Variants in CAMK2G observed in about 807,000 individuals in gnomAD.
CAMK2G encodes calcium/calmodulin dependent protein kinase II gamma.
Under a neutral mutation model 88.7 loss-of-function variants are expected in CAMK2G, and 23 were observed. The observed-to-expected ratio is 0.26, with a 90% CI of 0.19 to 0.37. The LOEUF (loss-of-function observed/expected upper bound fraction) is 0.37. Among genes scored for constraint, CAMK2G ranks in the 10% least tolerant of loss-of-function variants. The pLI is 1.00. For synonymous variants in CAMK2G, 263 were observed against 294.8 expected (o/e 0.89, Z 1.11); for missense variants, 476 against 780.8 (o/e 0.61, Z 4.65).
intron 21 of CAMK2G, chr10:73,816,316 G>A: frequency 1.0e-6 from 1 of 992,852 alleles, no homozygotes; most frequent in Non-Finnish European, 1.2e-6. Flanking sequence ...ACAGTGCCCT[G>A]GTTTGCACAT....
rs773058325 is a variant in CAMK2G, at chr10:73,815,022, A to G, written c.1760T>C (p.Leu587Pro). ...GTGCACCTGTGGCTGAGCTCACTGC[A>G]GCGGTGCGGCAGGGGCCCCTGAGCA... is the stretch of plus-strand genomic sequence containing the variant. ...YHCSGAPAAPLQ is the reference protein window; with the variant it reads ...YHCSGAPAAPPQ The change falls in exon 22 of 23, where the codon CTG becomes CCG. Residue 587 changes from leucine to proline, a missense_variant. Transcript: ENST00000423381. The G allele has an allele frequency of 6.2e-7, 1 of 1,611,222 alleles. No individual in the cohort carries two copies. Among genetic ancestry groups the G allele is most frequent in the African/African-American group, 1.3e-5 (1 of 74,824 alleles).
chr10:73,821,797 CA>C, intron 17 of CAMK2G, 67 bp from the exon 18 acceptor site: 1 of 1,315,660 alleles, frequency 7.6e-7, no homozygotes, highest in East Asian at 2.3e-5. Flanking sequence ...CAAAGCAGAA[CA>C]AAAGCAGAGT....
chr10:73,865,518 C>T (rs1478527402), intron 2 of CAMK2G, among the ~76,000 whole-genome samples: 3 of 152,264 alleles, frequency 2.0e-5, no homozygotes, highest in African/African-American at 7.2e-5. Context: ...CTGACACTTC[C>T]TGTCCTGTAG....
At chr10:73,856,250 T>A (rs1416790766) in intron 3 of CAMK2G, among the ~76,000 whole-genome samples, 1 of 152,122 alleles carries the variant, frequency 6.6e-6, no homozygotes, top group African/African-American at 2.4e-5. Context: ...TGAGGCTCCA[T>A]AAGAAACCTG....
intron 15 of CAMK2G, among the ~76,000 whole-genome samples, chr10:73,825,697 G>T (rs1483570775): frequency 2.0e-5 from 3 of 152,208 alleles, no homozygotes; most frequent in Non-Finnish European, 2.9e-5. Context: ...AAAAAGGGGG[G>T]TAGTTTATAA....
intron 4 of CAMK2G, 195 bp from the exon 5 acceptor site, chr10:73,852,514 T>C: frequency 1.7e-6 from 1 of 572,308 alleles, no homozygotes; most frequent in Non-Finnish European, 3.1e-6. Context: ...TCATGGGCCG[T>C]CCCTTCCTTC....
At chr10:73,823,462 C>G (rs1016271049) in intron 17 of CAMK2G, among the ~76,000 whole-genome samples, 1 of 152,214 alleles carries the variant, frequency 6.6e-6, no homozygotes, top group African/African-American at 2.4e-5. Flanking sequence ...GCGATCTGCG[C>G]ACCTTGGCCT....
chr10:73,842,392 G>A lies in CAMK2G; in HGVS notation c.903+66C>T, dbSNP rs1404743127. The A allele has an allele frequency of 2.5e-5, 33 of 1,302,346 alleles. No homozygotes were observed. The South Asian group carries it at 3.8e-4, about 15-fold the overall frequency. 80.7% of individuals were successfully genotyped at this position (1,302,346 alleles called of 1,614,324 possible). ...AGGAGGGGAGCTTCCTTCTGAAATG[G>A]GGCAGGAGCCACACTGGTGCAAGGC... On this transcript the variant is annotated intron_variant, in intron 11 of 22. Coordinates refer to ENST00000423381, the MANE Select transcript of CAMK2G (RefSeq NM_001367534.1). The surrounding 1 kb of genome is among the most constrained non-coding windows in gnomAD (Gnocchi z 4.6).
chr10:73,816,710 C>T (rs781194638), intron 21 of CAMK2G: 24 of 1,230,106 alleles, frequency 2.0e-5, no homozygotes, highest in Non-Finnish European at 2.6e-5. Flanking sequence ...CCGCCAGCCT[C>T]AGCCTCCCAA....
intron 2 of CAMK2G, among the ~76,000 whole-genome samples, chr10:73,863,106 T>C (rs772703667): frequency 6.6e-6 from 1 of 152,248 alleles, no homozygotes; most frequent in Non-Finnish European, 1.5e-5. Flanking sequence ...AACCCAGCTT[T>C]GTCCTAAACT....
chr10:73,849,410 A>C, intron 5 of CAMK2G, 77 bp from the exon 6 acceptor site: 2 of 1,033,678 alleles, frequency 1.9e-6, no homozygotes, highest in Admixed American at 3.9e-5. Context: ...CATGCTGCAG[A>C]CTAAGGCATG....
chr10:73,830,125 G>C (rs1282667390), intron 14 of CAMK2G, among the ~76,000 whole-genome samples: 1 of 152,184 alleles, frequency 6.6e-6, no homozygotes, highest in African/African-American at 2.4e-5. Context: ...TGTCCTGCAT[G>C]AGAACCTGAG....
At chr10:73,873,273 G>T in intron 1 of CAMK2G, 190 bp from the exon 2 acceptor site, 2 of 1,189,352 alleles carry the variant, frequency 1.7e-6, no homozygotes, top group Non-Finnish European at 1.2e-6. Context: ...GCAGGACACT[G>T]AACAGATGTG....
At chr10:73,856,498 G>A (rs150160003) in intron 3 of CAMK2G, among the ~76,000 whole-genome samples, 34 of 152,274 alleles carry the variant, frequency 2.2e-4, no homozygotes, top group African/African-American at 7.7e-4. Context: ...AAGAGGAGCC[G>A]GCCCTGCCAC....
rs2093894214 is a variant in CAMK2G, at chr10:73,842,672, G to A, written c.820-131C>T. Reference sequence around the variant, plus strand: ...CCCAGAGTTGCTCTGAAGATGAAATGAGGTCACAGATGTGAAAACGCTTTT... The same window carrying A: ...CCCAGAGTTGCTCTGAAGATGAAATAAGGTCACAGATGTGAAAACGCTTTT... On this transcript the variant is annotated intron_variant, in intron 10 of 22. Transcript: ENST00000423381. The surrounding 1 kb of genome is among the most constrained non-coding windows in gnomAD (Gnocchi z 4.6). The A allele has an allele frequency of 3.1e-6, 2 of 654,388 alleles. No individual in the cohort carries two copies. Among genetic ancestry groups the A allele is most frequent in the Non-Finnish European group, 5.4e-6 (2 of 368,624 alleles). The allele number at this position is 654,388 out of a possible 1,614,324, so 40.5% of individuals were successfully genotyped here.
intron 10 of CAMK2G, among the ~76,000 whole-genome samples, chr10:73,844,157 A>T: frequency 6.6e-6 from 1 of 152,204 alleles, no homozygotes; most frequent in South Asian, 2.1e-4. Context: ...CAGTAGCACA[A>T]TAATGGCTTA....
intron 5 of CAMK2G, 74 bp downstream of exon 5, chr10:73,852,180 C>A: frequency 9.2e-7 from 1 of 1,084,892 alleles, no homozygotes; most frequent in East Asian, 2.4e-5. Flanking sequence ...CAATGCTGGA[C>A]CCCGAAGGTG....
intron 2 of CAMK2G, among the ~76,000 whole-genome samples, chr10:73,867,415 T>C (rs1171283113): frequency 6.6e-6 from 1 of 152,214 alleles, no homozygotes; most frequent in African/African-American, 2.4e-5. Context: ...CCGGCAGGGC[T>C]CCCGGTGCCT....
chr10:73,821,587 C>T, intron 18 of CAMK2G, 95 bp downstream of exon 18: 1 of 931,964 alleles, frequency 1.1e-6, no homozygotes, highest in Non-Finnish European at 1.7e-6. Context: ...AGCCAGCATT[C>T]CCAGTTCTGG....
Sources: allele counts gnomAD v4.1 joint callset (sites outside exome capture counted in the v4.1 genomes callset), GRCh38; gene constraint gnomAD v4.1.1; non-coding constraint Gnocchi (gnomAD v3.1); transcripts MANE v1.5; gene names NCBI Gene and HGNC (gene_info 2026-07-23, HGNC 2026-07-21).